Variants in SNX27 observed in about 807,000 individuals in gnomAD.
SNX27 encodes the protein sorting nexin 27.
Under a neutral mutation model 71.6 loss-of-function variants are expected in SNX27, and 22 were observed. The ratio of observed to expected loss-of-function variants is 0.31; its 90% confidence interval spans 0.22 to 0.44. The LOEUF is 0.44. Among genes scored for constraint, SNX27 ranks in the 20% least tolerant of loss-of-function variants. The probability of loss-of-function intolerance (pLI) is 1.00; values close to 1 mark genes in which losing one functional copy is unlikely to be tolerated. For missense variants in SNX27, 531 were observed against 698.6 expected, an observed-to-expected ratio of 0.76 and a Z score of 2.70; for synonymous variants, 269 against 277.2, an observed-to-expected ratio of 0.97 and a Z score of 0.29.
intron 1 of SNX27, among the ~76,000 whole-genome samples, chr1:151,626,493 A>G (rs1214732920): frequency 6.6e-6 from 1 of 152,110 alleles, no homozygotes; most frequent in East Asian, 1.9e-4. Context: ...ATGAGATTCA[A>G]GAGATCAAGA....
Position 151,612,151 on chromosome 1 carries a change from G to A in SNX27, c.-51G>A, listed in dbSNP as rs557563499. ...CTGCCAGGCAGGGCGAGCACGCGCC[G>A]GGAGGCCTTGGAGGCGTAGGGGGCG... is the stretch of plus-strand genomic sequence containing the variant. On this transcript the variant is annotated 5_prime_UTR_variant, in exon 1 of 12. Coordinates refer to ENST00000458013, the MANE Select transcript of SNX27 (RefSeq NM_001330723.2). This position sits in a 1 kb window ranked among gnomAD's most constrained non-coding sequence, Gnocchi z 5.2. The A allele has an allele frequency of 5.0e-4, 640 of 1,284,668 alleles. 5 individuals are homozygous for A. In the South Asian group the frequency reaches 0.011, roughly 22 times the overall value. The allele number at this position is 1,284,668 out of a possible 1,614,324, so 79.6% of individuals were successfully genotyped here. A position where few individuals can be genotyped will look rare whatever the true frequency, so the allele number is the denominator to read the frequency against.
chr1:151,691,329 A>G (rs1402678574), intron 8 of SNX27, among the ~76,000 whole-genome samples: 1 of 152,094 alleles, frequency 6.6e-6, no homozygotes, highest in Non-Finnish European at 1.5e-5. Context: ...TTGTAAGGAT[A>G]GATTAGATGC....
intron 7 of SNX27, among the ~76,000 whole-genome samples, chr1:151,672,174 A>C (rs1459162171): frequency 6.6e-6 from 1 of 152,142 alleles, no homozygotes; most frequent in African/African-American, 2.4e-5. Context: ...GGTTCCTTCT[A>C]TACCCAGTTT....
In SNX27 at chr1:151,693,912, C is replaced by G. The variant is rs1671581393; in HGVS notation, c.1578+429C>G. The G allele has an allele frequency of 3.6e-6, 5 of 1,371,870 alleles. No homozygotes were observed. The East Asian group carries it at 1.4e-4, about 38-fold the overall frequency. The allele number at this position is 1,371,870 out of a possible 1,614,324, so 85.0% of individuals were successfully genotyped here. On this transcript the variant is annotated intron_variant, in intron 11 of 11. Transcript: ENST00000458013. The stretch of plus-strand genomic sequence containing the variant: ...GTGTGAGGGAAGGTGTTTGCTGTTG[C>G]TTTACTGCTGTCTGTATGTGCCAGT...
intron 2 of SNX27, among the ~76,000 whole-genome samples, chr1:151,651,608 G>A (rs1384608599): frequency 2.0e-5 from 3 of 151,788 alleles, no homozygotes; most frequent in South Asian, 2.1e-4. Flanking sequence ...CAGACGGGGC[G>A]GCGGGGCAGA....
chr1:151,640,425 T>C (rs1668671508), intron 2 of SNX27, among the ~76,000 whole-genome samples: 1 of 152,222 alleles, frequency 6.6e-6, no homozygotes. Context: ...TCCCCCAGCC[T>C]GGGGTACAGT....
At chr1:151,651,878 C>T (rs1445281122) in intron 2 of SNX27, among the ~76,000 whole-genome samples, 4 of 151,670 alleles carry the variant, frequency 2.6e-5, no homozygotes, top group Admixed American at 6.6e-5. Context: ...TGTAGCGAGC[C>T]GAGATCACGC....
chr1:151,660,627 T>G (rs1054802125), intron 3 of SNX27, 171 bp from the exon 4 acceptor site: 2 of 584,596 alleles, frequency 3.4e-6, no homozygotes, highest in African/African-American at 3.7e-5. Flanking sequence ...GATGAATGTT[T>G]GTCATGCCTT....
intron 8 of SNX27, among the ~76,000 whole-genome samples, chr1:151,691,615 C>T (rs949318005): frequency 1.3e-5 from 2 of 151,694 alleles, no homozygotes; most frequent in Non-Finnish European, 2.9e-5. Flanking sequence ...GAATTACAGG[C>T]ATGTGCCACC....
chr1:151,656,635 T>C (rs2102673519), intron 2 of SNX27, among the ~76,000 whole-genome samples: 1 of 152,328 alleles, frequency 6.6e-6, no homozygotes, highest in Admixed American at 6.5e-5. Context: ...AGAATATCTT[T>C]TGCATGTACA....
At chr1:151,651,780 C>T (rs1323360477) in intron 2 of SNX27, among the ~76,000 whole-genome samples, 1 of 151,946 alleles carries the variant, frequency 6.6e-6, no homozygotes, top group East Asian at 1.9e-4. Context: ...CAGAGACGCT[C>T]CTCACTTCCC....
chr1:151,691,700 G>A (rs1037452471), intron 8 of SNX27, among the ~76,000 whole-genome samples: 2 of 151,778 alleles, frequency 1.3e-5, no homozygotes, highest in African/African-American at 2.4e-5. Context: ...GCACTCCATC[G>A]AGACGGGGTT....
chr1:151,625,691 G>A (rs1048383968), intron 1 of SNX27, among the ~76,000 whole-genome samples: 10 of 150,802 alleles, frequency 6.6e-5, no homozygotes, highest in African/African-American at 2.2e-4. Context: ...AAAAATTAGC[G>A]GGAGAATCAC....
intron 4 of SNX27, chr1:151,661,269 G>T (rs908580576): frequency 1.9e-4 from 33 of 177,078 alleles, no homozygotes; most frequent in African/African-American, 7.4e-4. Flanking sequence ...TATATTCCCA[G>T]TGCCTTACCA....
At chr1:151,667,433 A>G (rs1043361482) in intron 6 of SNX27, among the ~76,000 whole-genome samples, 2 of 152,046 alleles carry the variant, frequency 1.3e-5, no homozygotes, top group Non-Finnish European at 2.9e-5. Context: ...TGGGCGGAAA[A>G]AACCTTTTGG....
At chr1:151,633,169 G>T (rs1668318842) in intron 1 of SNX27, among the ~76,000 whole-genome samples, 1 of 152,058 alleles carries the variant, frequency 6.6e-6, no homozygotes, top group Non-Finnish European at 1.5e-5. Flanking sequence ...ACCGCGCTCG[G>T]CCAATAAACT....
rs935522954 is a variant in SNX27 at position 151,658,504 on chromosome 1, A to T, written c.736+77A>T. 4.3e-6 allele frequency: 6 copies of T among 1,385,106 alleles called. No individual in the cohort carries two copies. In the African/African-American group the frequency reaches 8.7e-5, roughly 20 times the overall value. 85.8% of individuals were successfully genotyped at this position (1,385,106 alleles called of 1,614,324 possible). A position where few individuals can be genotyped will look rare whatever the true frequency, so the allele number is the denominator to read the frequency against. ...ATGCAACTTCTAAACTGCATAGCTGAATTTCCAGAACCTCAATAGTGAATG... is the reference window on the plus strand; with the variant it reads ...ATGCAACTTCTAAACTGCATAGCTGTATTTCCAGAACCTCAATAGTGAATG... On this transcript the variant is annotated intron_variant, in intron 3 of 11. Coordinates refer to ENST00000458013, the MANE Select transcript of SNX27 (RefSeq NM_001330723.2).
chr1:151,637,153 G>GTTTTTTTTTTTTTT (rs200938062), intron 1 of SNX27, among the ~76,000 whole-genome samples: 1 of 64,082 alleles, frequency 1.6e-5, no homozygotes. Context: ...AGTTGATCAC[G>GTTTTTTTTTTTTTT]TTTTTTTTGT....
chr1:151,662,268 C>T lies in SNX27; in HGVS notation c.904C>T (p.Gln302Ter). 1 of 1,597,168 alleles carries T rather than the reference C, an allele frequency of 6.3e-7. No homozygotes were observed. The highest frequency in any genetic ancestry group is 8.6e-7 in the Non-Finnish European group (1 of 1,165,200). The change falls in exon 5 of 12, where the codon CAG (glutamine) becomes TAG (stop). Residue 302 changes from glutamine to a stop codon, truncating the protein, a stop_gained and splice_region_variant. Transcript: ENST00000458013. LOFTEE classifies it high-confidence loss of function. The stretch of plus-strand genomic sequence containing the variant: ...GAACAGTACTACAGACCAAGTATAT[C>T]AGGTAAATTAAATGAACACGTAGAC... ...KKNSTTDQVY[Q>*]AIAAKVGMDS...
Sources: allele counts gnomAD v4.1 joint callset (sites outside exome capture counted in the v4.1 genomes callset), GRCh38; gene constraint gnomAD v4.1.1; non-coding constraint Gnocchi (gnomAD v3.1); transcripts MANE v1.5; gene names NCBI Gene and HGNC (gene_info 2026-07-23, HGNC 2026-07-21).